PLEKHG4B: variants seen among roughly 807,000 people sequenced by gnomAD.
PLEKHG4B encodes pleckstrin homology domain-containing family G member 4B.
A neutral mutation model predicts 121.3 loss-of-function variants in PLEKHG4B; 111 were observed. The ratio of observed to expected loss-of-function variants is 0.92; its 90% CI spans 0.78 to 1.07. The LOEUF is 1.07. Among genes scored for constraint, PLEKHG4B ranks in the 50% least tolerant of loss-of-function variants. PLEKHG4B has a pLI of 0.00. For synonymous variants in PLEKHG4B, 738 were observed against 725.0 expected (o/e 1.02, Z -0.29); for missense variants, 1,831 against 1,757.8 (o/e 1.04, Z -0.74).
rs373941236 is a variant in PLEKHG4B at position 104,687 on chromosome 5, G to A, written c.46-8564G>A. Among the ~76,000 whole-genome samples the A allele has an allele frequency of 4.6e-4, 70 of 152,266 alleles. 1 individual carries two copies. The highest frequency in any genetic ancestry group is 1.5e-3 in the South Asian group (7 of 4,824). On this transcript the variant is annotated intron_variant, in intron 1 of 19. Coordinates refer to ENST00000637938, the MANE Select transcript of PLEKHG4B (RefSeq NM_052909.5). The stretch of plus-strand genomic sequence containing the variant: ...TTTCTGGTGAACAAGGCCCCATGGC[G>A]GCCTTGCCTGGCCTCAGGCAGAGTC...
chr5:182,233 T>G lies in PLEKHG4B; in HGVS notation c.4794T>G (p.Asp1598Glu). 1 of 1,613,738 alleles carries G rather than the reference T, an allele frequency of 6.2e-7. No homozygotes were observed. Among genetic ancestry groups the G allele is most frequent in the Non-Finnish European group, 8.5e-7 (1 of 1,180,036 alleles). ...ATATCAGAGCCTGCGTCGAGGAAGA[T>G]GAGCCAGAGCCAGAACTAGAGACGG... ...SSDIRACVEE[D>E]EPEPELETGT... Residue 1598 changes from aspartate (D) to glutamate (E), a missense_variant, in exon 20 of 20, where the codon GAT becomes GAG. By Grantham distance (45) the Asp-to-Glu change is conservative. Transcript: ENST00000637938.
Position 144,865 on chromosome 5 carries a change from A to T in PLEKHG4B, c.1850A>T (p.Asp617Val), listed in dbSNP as rs570690532. The T allele has an allele frequency of 2.5e-6, 4 of 1,613,360 alleles. No individual in the cohort carries two copies. The highest frequency in any genetic ancestry group is 1.7e-4 in the Middle Eastern group (1 of 6,060). ...GACCTGGGGCTGGTTGTCCTGGTGG[A>T]TGCACGCAGGAGTCCAGCTGCCCCT... ...VRDLGLVVLV[D>V]ARRSPAAPAV... The change falls in exon 6 of 20, where the codon GAT (aspartate) becomes GTT (valine). Residue 617 changes from aspartate to valine, a missense_variant. Asp to Val is a radical substitution (Grantham distance 152). Transcript: ENST00000637938.
intron 2 of PLEKHG4B, among the ~76,000 whole-genome samples, chr5:114,611 C>T (rs546276038): frequency 6.6e-6 from 1 of 152,280 alleles, no homozygotes; most frequent in South Asian, 2.1e-4. Context: ...GCACCCACCA[C>T]CATGCCTGGC....
At chr5:105,839 T>C (rs1239652946) in intron 1 of PLEKHG4B, among the ~76,000 whole-genome samples, 3 of 152,180 alleles carry the variant, frequency 2.0e-5, no homozygotes, top group Non-Finnish European at 4.4e-5. Context: ...TCAACTGCTC[T>C]CCTGCAGAAC....
chr5:169,828 C>T (rs1285432423), intron 14 of PLEKHG4B, among the ~76,000 whole-genome samples: 1 of 152,266 alleles, frequency 6.6e-6, no homozygotes, highest in African/African-American at 2.4e-5. Context: ...GTCCCTGCTG[C>T]CCCTGGAGGC....
Position 137,831 on chromosome 5 carries a change from C to G in PLEKHG4B, c.244-1652C>G, listed in dbSNP as rs1049950472. The stretch of plus-strand genomic sequence containing the variant: ...TCTGGGGGCCAGGCTCGGGGAGGCC[C>G]TTATGGACCGGCAGGTACCTGTCTC... On this transcript the variant is annotated intron_variant, in intron 2 of 19. Coordinates refer to ENST00000637938, the MANE Select transcript of PLEKHG4B (RefSeq NM_052909.5). The surrounding 1 kb of genome is among the most constrained non-coding windows in gnomAD (Gnocchi z 4.2). Among the ~76,000 whole-genome samples the G allele has an allele frequency of 1.3e-5, 2 of 152,232 alleles. No individual in the cohort carries two copies. The highest frequency in any genetic ancestry group is 2.9e-5 in the Non-Finnish European group (2 of 68,042).
At chr5:171,520 G>A (rs952304016) in intron 16 of PLEKHG4B, 76 bp downstream of exon 16, 2 of 1,365,310 alleles carry the variant, frequency 1.5e-6, no homozygotes, top group African/African-American at 1.4e-5. Context: ...CTTGGCCCCA[G>A]CAGCACACTT....
In PLEKHG4B at chr5:163,105, C is replaced by T. The variant is rs1736091313; in HGVS notation, c.3033C>T (p.Gly1011=). 2 of 1,563,662 alleles carry T rather than the reference C, an allele frequency of 1.3e-6. No homozygotes were observed. The highest frequency in any genetic ancestry group is 1.4e-5 in the African/African-American group (1 of 73,518). ...GGGAACCTGCGCAACCACTGTCCGG[C>T]CTCCCTGGACGAGCGCTTCTGTGTG... ...GAWEPAQPLS[G]LPGRALLCGQ... The change falls in exon 13 of 20, where the codon GGC becomes GGT. Residue 1011 remains glycine (G), a synonymous_variant. Coordinates refer to ENST00000637938, the MANE Select transcript of PLEKHG4B (RefSeq NM_052909.5).
intron 18 of PLEKHG4B, among the ~76,000 whole-genome samples, chr5:176,856 C>A (rs1339755379): frequency 2.0e-5 from 3 of 152,230 alleles, no homozygotes; most frequent in Non-Finnish European, 4.4e-5. Context: ...GGTACGCACA[C>A]AGGACTCTGC....
Position 121,253 on chromosome 5 carries a change from AAAAG to A in PLEKHG4B, c.243+7809_243+7812del, listed in dbSNP as rs1381688899. On this transcript the variant is annotated intron_variant, in intron 2 of 19. Coordinates refer to ENST00000637938, the MANE Select transcript of PLEKHG4B (RefSeq NM_052909.5). ...CAGAGTGAGACTCCGTCTAAAAAAA[AAAAG>A]AAAAAGAAAATGGAAATCTCCAAAC... 6.6e-5 allele frequency among the ~76,000 whole-genome samples: 10 copies of A among 152,186 alleles called. No individual in the cohort carries two copies. In the South Asian group the frequency reaches 1.9e-3, roughly 28 times the overall value.
intron 1 of PLEKHG4B, among the ~76,000 whole-genome samples, chr5:102,723 G>A (rs1733858789): frequency 6.6e-6 from 1 of 152,124 alleles, no homozygotes; most frequent in South Asian, 2.1e-4. Flanking sequence ...ATCTAGTCTC[G>A]AGTATCTCTT....
In PLEKHG4B at chr5:164,435, G is replaced by T. The variant is rs189645765; in HGVS notation, c.3476+887G>T. 2.4e-3 allele frequency among the ~76,000 whole-genome samples: 362 copies of T among 150,782 alleles called. 8 individuals carry two copies. In the South Asian group the frequency reaches 0.042, roughly 18 times the overall value. On this transcript the variant is annotated intron_variant, in intron 13 of 19. Coordinates refer to ENST00000637938, the MANE Select transcript of PLEKHG4B (RefSeq NM_052909.5). ...CTGGGGGCGGAGTTCACCCAGTAAT[G>T]CTGTGACAGGGGGCGGGGCTCACAG...
At chr5:121,139 C>T (rs10040855) in intron 2 of PLEKHG4B, among the ~76,000 whole-genome samples, 10,679 of 151,216 alleles carry the variant, frequency 0.071, 645 homozygotes, top group African/African-American at 0.17. Context: ...CCCAGCTACT[C>T]GGGAGGCTGA....
rs907667880 is a variant in PLEKHG4B at position 156,022 on chromosome 5, G to C, written c.2209-49G>C. On this transcript the variant is annotated intron_variant, in intron 9 of 19. Transcript: ENST00000637938. The surrounding 1 kb of genome is among the most constrained non-coding windows in gnomAD (Gnocchi z 4.4). Reference sequence around the variant, plus strand: ...GCCACTGTCACACTTGGGAGGACCTGCCCCTTGGAGGAGGGAGTTAAAGGC... The same window carrying C: ...GCCACTGTCACACTTGGGAGGACCTCCCCCTTGGAGGAGGGAGTTAAAGGC... 1.4e-6 allele frequency: 2 copies of C among 1,479,114 alleles called. No individual in the cohort carries two copies. The highest frequency in any genetic ancestry group is 1.8e-6 in the Non-Finnish European group (2 of 1,103,232). The allele number at this position is 1,479,114 out of a possible 1,614,324, so 91.6% of individuals were successfully genotyped here.
chr5:122,831 A>G (rs1187788628), intron 2 of PLEKHG4B, among the ~76,000 whole-genome samples: 3 of 152,240 alleles, frequency 2.0e-5, no homozygotes, highest in Non-Finnish European at 4.4e-5. Flanking sequence ...GTAAGATTTC[A>G]AGACAATGAG....
intron 18 of PLEKHG4B, among the ~76,000 whole-genome samples, chr5:181,006 G>A (rs247078): frequency 0.99 from 151,467 of 152,370 alleles, 75,329 homozygotes; most frequent in Middle Eastern, 1. Flanking sequence ...TATGTTTTCT[G>A]TCCTCATACA....
At chr5:108,818 G>A (rs181232817) in intron 1 of PLEKHG4B, among the ~76,000 whole-genome samples, 14 of 152,330 alleles carry the variant, frequency 9.2e-5, no homozygotes, top group African/African-American at 3.4e-4. Flanking sequence ...TGCACACCAA[G>A]CCCTGTTTGG....
At chr5:175,326 G>A (rs926257949) in intron 18 of PLEKHG4B, among the ~76,000 whole-genome samples, 7 of 151,840 alleles carry the variant, frequency 4.6e-5, no homozygotes, top group East Asian at 1.9e-4. Context: ...TCCCCCCACC[G>A]ACTTCTTCAC....
intron 1 of PLEKHG4B, among the ~76,000 whole-genome samples, chr5:105,169 T>A (rs954243158): frequency 1.3e-5 from 2 of 152,232 alleles, no homozygotes; most frequent in African/African-American, 2.4e-5. Context: ...GGAGAAACAC[T>A]CCGCAGTGGG....
Sources: allele counts gnomAD v4.1 joint callset (sites outside exome capture counted in the v4.1 genomes callset), GRCh38; gene constraint gnomAD v4.1.1; non-coding constraint Gnocchi (gnomAD v3.1); transcripts MANE v1.5; gene names NCBI Gene and HGNC (gene_info 2026-07-23, HGNC 2026-07-21).